Variants in SLC66A2 observed in about 807,000 individuals in gnomAD.
SLC66A2 encodes PQ loop repeat containing 1.
Under a neutral mutation model 25.5 loss-of-function variants are expected in SLC66A2, and 23 were observed. The observed-to-expected ratio is 0.90, with a 90% confidence interval of 0.65 to 1.28. SLC66A2 has a LOEUF of 1.28. SLC66A2 is among the 50% of genes most tolerant of loss of function. The probability of loss-of-function intolerance (pLI) is 0.00; values close to 1 mark genes in which losing one functional copy is unlikely to be tolerated. For synonymous variants in SLC66A2, 193 were observed against 166.5 expected (o/e 1.16, Z -1.23); for missense variants, 396 against 373.1 (o/e 1.06, Z -0.51).
chr18:79,914,811 T>G (rs536796547), intron 5 of SLC66A2, among the ~76,000 whole-genome samples: 33 of 152,316 alleles, frequency 2.2e-4, no homozygotes, highest in African/African-American at 6.7e-4. Context: ...GACTCAGCCC[T>G]GCCCAGAGGG....
intron 4 of SLC66A2, among the ~76,000 whole-genome samples, chr18:79,921,834 AG>A (rs1985246812): frequency 1.8e-4 from 1 of 5,654 alleles, no homozygotes. Flanking sequence ...GGGTCAGAGG[AG>A]GAGAGACAGG....
intron 5 of SLC66A2, among the ~76,000 whole-genome samples, chr18:79,908,968 G>A (rs770158250): frequency 2.0e-5 from 3 of 152,206 alleles, no homozygotes; most frequent in Non-Finnish European, 2.9e-5. Context: ...AGTCTGATCT[G>A]TCAGCCTGAG....
chr18:79,950,917 C>T lies in SLC66A2; in HGVS notation c.10G>A (p.Glu4Lys), dbSNP rs1289978997. MEA[E>K]GLDWLLVPLH... is the part of the protein sequence containing the mutation. The stretch of plus-strand genomic sequence containing the variant: ...GGCACCAGGAGCCAGTCCAGGCCCT[C>T]GGCCTCCATCGCAGCGCCCGCCTGG... The change falls in exon 2 of 6, where the codon GAG becomes AAG. Residue 4 changes from glutamate to lysine, a missense_variant. Glu to Lys is a moderately conservative substitution (Grantham distance 56). Transcript: ENST00000397778. 22 of 1,563,254 alleles carry T rather than the reference C, an allele frequency of 1.4e-5. No individual in the cohort carries two copies. The highest frequency in any genetic ancestry group is 1.9e-5 in the Non-Finnish European group (22 of 1,154,142).
chr18:79,946,416 C>T (rs938510674), intron 2 of SLC66A2, among the ~76,000 whole-genome samples: 2 of 152,256 alleles, frequency 1.3e-5, no homozygotes, highest in Non-Finnish European at 2.9e-5. Flanking sequence ...TCTGTGCTGG[C>T]CATGAACTTA....
chr18:79,949,317 C>T (rs1399943500), intron 2 of SLC66A2, among the ~76,000 whole-genome samples: 2 of 152,112 alleles, frequency 1.3e-5, no homozygotes, highest in Non-Finnish European at 2.9e-5. Flanking sequence ...CAAATGGACA[C>T]GAAAGGGGTG....
At chr18:79,946,331 T>G (rs989743159) in intron 2 of SLC66A2, among the ~76,000 whole-genome samples, 1 of 152,264 alleles carries the variant, frequency 6.6e-6, no homozygotes, top group Non-Finnish European at 1.5e-5. Flanking sequence ...GCAGCATTAG[T>G]AATTTTAAAA....
rs115254500 is a variant in SLC66A2, at chr18:79,943,406, G to T, written c.260C>A (p.Thr87Asn). The T allele has an allele frequency of 1.9e-6, 3 of 1,614,206 alleles. No homozygotes were observed. Among genetic ancestry groups the T allele is most frequent in the Non-Finnish European group, 2.5e-6 (3 of 1,180,028 alleles). The change falls in exon 3 of 6, where the codon ACC becomes AAC. Residue 87 changes from threonine to asparagine, a missense_variant. Thr to Asn is a moderately conservative substitution (Grantham distance 65). Transcript: ENST00000397778. ...LLWQSAIMIL[T>N]MLLMLKLCTE... ...GCACAGCTTCAGCATCAGCAGCATG[G>T]TCAGGATCATGATGGCGCTCTGCCA...
At position 79,937,563 on chromosome 18, in the gene SLC66A2, A is replaced by C. The variant is rs1987225332; in HGVS notation, c.338-3541T>G. ...AATGGGTACCCGCCCATTTCTCTGC[A>C]GAGGGGCTCCAGCTAACAGACAACA... On this transcript the variant is annotated intron_variant, in intron 3 of 5. Transcript: ENST00000397778. This position sits in a 1 kb window ranked among gnomAD's most constrained non-coding sequence, Gnocchi z 5.4. Among the ~76,000 whole-genome samples, 1 of 152,164 alleles carries C rather than the reference A, an allele frequency of 6.6e-6. No homozygotes were observed. Among genetic ancestry groups the C allele is most frequent in the Non-Finnish European group, 1.5e-5 (1 of 68,006 alleles).
intron 5 of SLC66A2, among the ~76,000 whole-genome samples, chr18:79,906,695 G>A (rs1422876402): frequency 6.6e-6 from 1 of 152,240 alleles, no homozygotes; most frequent in African/African-American, 2.4e-5. Context: ...TCACTTGGCT[G>A]TTGATGGTGT....
intron 5 of SLC66A2, among the ~76,000 whole-genome samples, chr18:79,907,334 G>GGTT (rs1982261896): frequency 8.6e-6 from 1 of 116,896 alleles, no homozygotes; most frequent in Non-Finnish European, 1.7e-5. Flanking sequence ...TCTTTGTATA[G>GGTT]TTTTTTTTTT....
chr18:79,949,258 G>A (rs937301228), intron 2 of SLC66A2, among the ~76,000 whole-genome samples: 1 of 152,188 alleles, frequency 6.6e-6, no homozygotes, highest in African/African-American at 2.4e-5. Flanking sequence ...CCACGGAGCA[G>A]GGAGCACCCC....
chr18:79,935,058 G>A (rs1373428020), intron 3 of SLC66A2, among the ~76,000 whole-genome samples: 5 of 150,586 alleles, frequency 3.3e-5, no homozygotes, highest in South Asian at 2.1e-4. Flanking sequence ...CCCTCAGCTC[G>A]TCCTCTCTGT....
chr18:79,925,642 T>G (rs1373280620), intron 4 of SLC66A2, among the ~76,000 whole-genome samples: 1 of 152,170 alleles, frequency 6.6e-6, no homozygotes, highest in East Asian at 1.9e-4. Flanking sequence ...ACAGACCAGC[T>G]CCAGTCCAAC....
At chr18:79,915,660 AT>A (rs568253734) in intron 5 of SLC66A2, 3 of 152,210 alleles carry the variant, frequency 2.0e-5, no homozygotes, top group Non-Finnish European at 2.9e-5. Context: ...CGATGGGGAG[AT>A]GGGGTGCCTG....
At chr18:79,906,590 G>A (rs1982157089) in intron 5 of SLC66A2, among the ~76,000 whole-genome samples, 1 of 152,142 alleles carries the variant, frequency 6.6e-6, no homozygotes, top group Non-Finnish European at 1.5e-5. Flanking sequence ...AAAATACTTT[G>A]CACAATTTCA....
Position 79,921,845 on chromosome 18 carries a change from GA to G in SLC66A2, c.392-2446del, listed in dbSNP as rs1280519277. Among the ~76,000 whole-genome samples, 9 of 6,854 alleles carry G rather than the reference GA, an allele frequency of 1.3e-3. 1 individual carries two copies. Among genetic ancestry groups the G allele is most frequent in the South Asian group, 0.17 (2 of 12 alleles). 4.5% of individuals were successfully genotyped at this position (6,854 alleles called of 152,430 possible). A position where few individuals can be genotyped will look rare whatever the true frequency, so the allele number is the denominator to read the frequency against. ...GTCAGGGTCAGAGGAGGAGAGACAGGAACCGAGGGAGAGGTCAAGGTCAGTG... is the reference window on the plus strand; with the variant it reads ...GTCAGGGTCAGAGGAGGAGAGACAGGACCGAGGGAGAGGTCAAGGTCAGTG... On this transcript the variant is annotated intron_variant, in intron 4 of 5. Transcript: ENST00000397778.
intron 5 of SLC66A2, among the ~76,000 whole-genome samples, chr18:79,911,253 G>A (rs1044215217): frequency 2.0e-5 from 3 of 152,254 alleles, no homozygotes; most frequent in Non-Finnish European, 4.4e-5. Context: ...TGGGGGCCTG[G>A]ACATCTTTCC....
rs1987527277 is a variant in SLC66A2, at chr18:79,940,189, A to C, written c.337+3140T>G. Among the ~76,000 whole-genome samples, 1 of 152,158 alleles carries C rather than the reference A, an allele frequency of 6.6e-6. No homozygotes were observed. Among genetic ancestry groups the C allele is most frequent in the South Asian group, 2.1e-4 (1 of 4,830 alleles). ...AGTGGGAGCTAAATGATGAGAACACATGGACACACAGAGGGGAACAACAGC... is the reference window on the plus strand; with the variant it reads ...AGTGGGAGCTAAATGATGAGAACACCTGGACACACAGAGGGGAACAACAGC... On this transcript the variant is annotated intron_variant, in intron 3 of 5. Transcript: ENST00000397778. This position sits in a 1 kb window ranked among gnomAD's most constrained non-coding sequence, Gnocchi z 4.1.
At position 79,904,890 on chromosome 18, in the gene SLC66A2, G is replaced by A. The variant is rs1426362529; in HGVS notation, c.609-707C>T. Among the ~76,000 whole-genome samples the A allele has an allele frequency of 6.6e-6, 1 of 152,214 alleles. No individual in the cohort carries two copies. Among genetic ancestry groups the A allele is most frequent in the Non-Finnish European group, 1.5e-5 (1 of 68,028 alleles). ...ATCAGCGGCCGCTGACCCTTCCACA[G>A]CTCCTGAAGCCAGAGGCAGAGCCTG... On this transcript the variant is annotated intron_variant, in intron 5 of 5. Coordinates refer to ENST00000397778, the MANE Select transcript of SLC66A2 (RefSeq NM_025078.5). This position sits in a 1 kb window ranked among gnomAD's most constrained non-coding sequence, Gnocchi z 6.3.
Sources: allele counts gnomAD v4.1 joint callset (sites outside exome capture counted in the v4.1 genomes callset), GRCh38; gene constraint gnomAD v4.1.1; non-coding constraint Gnocchi (gnomAD v3.1); transcripts MANE v1.5; gene names NCBI Gene and HGNC (gene_info 2026-07-23, HGNC 2026-07-21).